LRRC31: variants seen among roughly 807,000 people sequenced by gnomAD.
LRRC31 encodes the protein leucine rich repeat containing 31.
Under a neutral mutation model 46.7 loss-of-function variants are expected in LRRC31, and 35 were observed. That is an observed-to-expected ratio of 0.75 (90% CI 0.57 to 0.99). LRRC31 has a LOEUF of 0.99. LRRC31 is among the 50% of genes least tolerant of loss of function. LRRC31 has a pLI of 0.00. For missense variants in LRRC31, 613 were observed against 626.1 expected (o/e 0.98, Z 0.22); for synonymous variants, 236 against 235.1 (o/e 1.00, Z -0.03).
At chr3:169,860,159 A>AAAAT (rs773477526) in intron 3 of LRRC31, among the ~76,000 whole-genome samples, 68 of 151,866 alleles carry the variant, frequency 4.5e-4, no homozygotes, top group African/African-American at 7.7e-4. Flanking sequence ...AATAAAAATA[A>AAAAT]AAATAAATAA....
At chr3:169,867,617 C>A (rs1025532025) in intron 1 of LRRC31, among the ~76,000 whole-genome samples, 1 of 152,138 alleles carries the variant, frequency 6.6e-6, no homozygotes, top group Non-Finnish European at 1.5e-5. Flanking sequence ...AAGCGATCCT[C>A]CTGCCTCAGC....
intron 5 of LRRC31, among the ~76,000 whole-genome samples, chr3:169,855,927 G>A (rs900316498): frequency 1.8e-4 from 28 of 151,910 alleles, no homozygotes; most frequent in Middle Eastern, 3.2e-3. Context: ...TTTTGAGATG[G>A]AGTCTCTTCT....
intron 1 of LRRC31, among the ~76,000 whole-genome samples, chr3:169,866,911 G>A (rs142913241): frequency 0.059 from 8,917 of 151,504 alleles, 310 homozygotes; most frequent in Middle Eastern, 0.11. Context: ...GCAGTGAGCC[G>A]AGATCACACT....
chr3:169,869,403 G>C (rs1297003966), intron 1 of LRRC31, among the ~76,000 whole-genome samples: 1 of 151,744 alleles, frequency 6.6e-6, no homozygotes, highest in Non-Finnish European at 1.5e-5. Context: ...AAAACTAAAG[G>C]TATAATGGGA....
intron 8 of LRRC31, among the ~76,000 whole-genome samples, chr3:169,845,920 AC>A (rs1345013088): frequency 6.6e-6 from 1 of 152,208 alleles, no homozygotes; most frequent in Non-Finnish European, 1.5e-5. Flanking sequence ...AGCCAGTGGG[AC>A]AGACCCAGAG....
intron 1 of LRRC31, among the ~76,000 whole-genome samples, chr3:169,867,541 G>A (rs1210202205): frequency 6.6e-6 from 1 of 151,840 alleles, no homozygotes; most frequent in East Asian, 1.9e-4. Flanking sequence ...ACAGGCATGA[G>A]CCACCGCACC....
intron 8 of LRRC31, 25 bp downstream of exon 8, chr3:169,848,095 C>T (rs767419733): frequency 7.5e-6 from 12 of 1,599,282 alleles, no homozygotes; most frequent in African/African-American, 1.3e-5. Flanking sequence ...TTGCCAAGAC[C>T]GCTTGGGAAC....
At chr3:169,855,683 T>C (rs187183405) in intron 5 of LRRC31, among the ~76,000 whole-genome samples, 1 of 152,306 alleles carries the variant, frequency 6.6e-6, no homozygotes, top group African/African-American at 2.4e-5. Context: ...GTTCTTTTTA[T>C]CAGTACCTAT....
Position 169,841,193 on chromosome 3 carries a change from C to A in LRRC31, c.1328-880G>T, listed in dbSNP as rs145849512. ...GGAGCAGCTCCTAGCGGGAGGAAGC[C>A]CTCCCACAGGGCCCCAATCTATCTT... is the stretch of plus-strand genomic sequence containing the variant. On this transcript the variant is annotated intron_variant, in intron 8 of 8. Coordinates refer to ENST00000316428, the MANE Select transcript of LRRC31 (RefSeq NM_024727.4). Among the ~76,000 whole-genome samples, 49 of 152,306 alleles carry A rather than the reference C, an allele frequency of 3.2e-4. No homozygotes were observed. The East Asian group carries it at 7.9e-3, about 25-fold the overall frequency.
chr3:169,847,808 G>A (rs1038856208), intron 8 of LRRC31, among the ~76,000 whole-genome samples: 3 of 152,232 alleles, frequency 2.0e-5, no homozygotes, highest in African/African-American at 4.8e-5. Context: ...GTGGATGGGT[G>A]AGATGTAGAT....
intron 1 of LRRC31, 93 bp from the exon 2 acceptor site, chr3:169,861,906 A>G (rs944465091): frequency 2.8e-5 from 37 of 1,299,506 alleles, no homozygotes; most frequent in Non-Finnish European, 3.3e-5. Context: ...AAGACTGCAT[A>G]ACTCTGAATT....
chr3:169,858,058 T>C (rs1441874277), intron 3 of LRRC31, among the ~76,000 whole-genome samples: 2 of 152,158 alleles, frequency 1.3e-5, no homozygotes, highest in Non-Finnish European at 2.9e-5. Context: ...GGTACTAAAC[T>C]ATTATAATGG....
intron 5 of LRRC31, among the ~76,000 whole-genome samples, chr3:169,855,580 T>G (rs1487543376): frequency 3.3e-5 from 5 of 152,216 alleles, no homozygotes; most frequent in Admixed American, 1.3e-4. Context: ...GTTCTGTAAG[T>G]TGAAGGGGAA....
At chr3:169,858,560 A>C (rs1006532435) in intron 3 of LRRC31, among the ~76,000 whole-genome samples, 3 of 152,236 alleles carry the variant, frequency 2.0e-5, no homozygotes, top group Non-Finnish European at 2.9e-5. Context: ...TTGAGCAACT[A>C]TTATGCACCA....
intron 8 of LRRC31, 86 bp downstream of exon 8, chr3:169,848,034 T>G (rs1780655999): frequency 7.3e-7 from 1 of 1,367,216 alleles, no homozygotes; most frequent in Admixed American, 2.0e-5. Context: ...GTCTGGTACC[T>G]CCCCCACCTC....
In LRRC31 at chr3:169,839,941, T is replaced by G. The variant is rs1780395270; in HGVS notation, c.*41A>C. 3 of 1,498,810 alleles carry G rather than the reference T, an allele frequency of 2.0e-6. No individual in the cohort carries two copies. The highest frequency in any genetic ancestry group is 2.7e-6 in the Non-Finnish European group (3 of 1,104,352). The allele number at this position is 1,498,810 out of a possible 1,614,324, so 92.8% of individuals were successfully genotyped here. On this transcript the variant is annotated 3_prime_UTR_variant, in exon 9 of 9. Transcript: ENST00000316428. ...GGAATTCGTTCATGTTCTTTTCCTT[T>G]GGAGAATGGTTTGTAGCTTAGTAGG...
chr3:169,856,365 C>G lies in LRRC31; in HGVS notation c.794G>C (p.Gly265Ala). Reference sequence around the variant, plus strand: ...TATTTTGACACTCTTTTGTGATAATCCACATGAATGTAACTTCAGTACTTT... The same window carrying G: ...TATTTTGACACTCTTTTGTGATAATGCACATGAATGTAACTTCAGTACTTT... ...NLKVLKLHSC[G>A]LSQKSVKILD... The change falls in exon 5 of 9, where the codon GGA becomes GCA. Residue 265 changes from glycine to alanine, a missense_variant. Gly to Ala is a moderately conservative substitution (Grantham distance 60, BLOSUM62 0). Coordinates refer to ENST00000316428, the MANE Select transcript of LRRC31 (RefSeq NM_024727.4). 3 of 1,595,060 alleles carry G rather than the reference C, an allele frequency of 1.9e-6. No homozygotes were observed. Among genetic ancestry groups the G allele is most frequent in the Non-Finnish European group, 2.6e-6 (3 of 1,170,898 alleles).
At chr3:169,857,620 G>C (rs1781007416) in intron 3 of LRRC31, among the ~76,000 whole-genome samples, 3 of 151,618 alleles carry the variant, frequency 2.0e-5, no homozygotes. Flanking sequence ...AGTGGAGGCT[G>C]GGAGAGAATA....
At chr3:169,842,956 T>C (rs1222470088) in intron 8 of LRRC31, among the ~76,000 whole-genome samples, 3 of 152,220 alleles carry the variant, frequency 2.0e-5, no homozygotes, top group Non-Finnish European at 4.4e-5. Context: ...AATAAACCCC[T>C]TGCAGTAGTC....
Sources: allele counts gnomAD v4.1 joint callset (sites outside exome capture counted in the v4.1 genomes callset), GRCh38; gene constraint gnomAD v4.1.1; transcripts MANE v1.5; gene names NCBI Gene and HGNC (gene_info 2026-07-23, HGNC 2026-07-21).